The following MAST1 variants were observed in gnomAD, a reference collection of about 807,000 sequenced individuals.
MAST1 encodes the protein microtubule associated serine/threonine kinase 1.
MAST1 carries 40 observed loss-of-function variants against 124.6 expected under a neutral mutation model. The ratio of observed to expected loss-of-function variants is 0.32; its 90% CI spans 0.25 to 0.42. The LOEUF (loss-of-function observed/expected upper bound fraction) is 0.42. MAST1 is among the 10% of genes least tolerant of loss of function. The pLI is 1.00. For missense variants in MAST1, 1,558 were observed against 2,181.9 expected, an observed-to-expected ratio of 0.71 and a Z score of 5.70; for synonymous variants, 938 against 939.4, an observed-to-expected ratio of 1.00 and a Z score of 0.03.
At chr19:12,842,953 G>T (rs1226493290) in intron 3 of MAST1, among the ~76,000 whole-genome samples, 1 of 152,104 alleles carries the variant, frequency 6.6e-6, no homozygotes, top group Non-Finnish European at 1.5e-5. Context: ...ATACGTGTGG[G>T]TGTCTGTGTT....
chr19:12,869,024 T>C (rs1354372499), intron 21 of MAST1, 42 bp from the exon 22 acceptor site: 1 of 1,596,096 alleles, frequency 6.3e-7, no homozygotes, highest in Non-Finnish European at 8.6e-7. Flanking sequence ...GAGATGTCTA[T>C]CTTCTTGGTT....
intron 12 of MAST1, among the ~76,000 whole-genome samples, chr19:12,859,554 T>C (rs1462310985): frequency 6.6e-6 from 1 of 152,044 alleles, no homozygotes; most frequent in Non-Finnish European, 1.5e-5. Context: ...ACTCGGCTAA[T>C]TTTTGGGAGG....
intron 11 of MAST1, 29 bp from the exon 12 acceptor site, chr19:12,858,502 C>T (rs1599584682): frequency 1.2e-6 from 2 of 1,611,954 alleles, no homozygotes; most frequent in East Asian, 2.2e-5. Flanking sequence ...TCGGAGGTGA[C>T]GGCCGGTCCT....
intron 7 of MAST1, among the ~76,000 whole-genome samples, chr19:12,849,805 A>T (rs568555627): frequency 2.0e-5 from 3 of 151,344 alleles, no homozygotes; most frequent in Admixed American, 6.6e-5. Context: ...TATTTATTTT[A>T]TTTTTTTTGG....
intron 12 of MAST1, among the ~76,000 whole-genome samples, chr19:12,864,319 G>T (rs2145906494): frequency 6.6e-6 from 1 of 151,932 alleles, no homozygotes; most frequent in African/African-American, 2.4e-5. Context: ...TGCTTGAGCT[G>T]GGAGGTTGAG....
chr19:12,867,988 T>C lies in MAST1; in HGVS notation c.2566+11T>C. On this transcript the variant is annotated intron_variant, in intron 20 of 25. Coordinates refer to ENST00000251472, the MANE Select transcript of MAST1 (RefSeq NM_014975.3). ...GGGACTCCGAGGCCAGTGAGTGCCC[T>C]ATCGTGCTGCCTTCCCCAATCTTCC... 1 of 1,523,338 alleles carries C rather than the reference T, an allele frequency of 6.6e-7. No individual in the cohort carries two copies. Among genetic ancestry groups the C allele is most frequent in the South Asian group, 1.3e-5 (1 of 77,112 alleles). The allele number at this position is 1,523,338 out of a possible 1,614,324, so 94.4% of individuals were successfully genotyped here. A position where few individuals can be genotyped will look rare whatever the true frequency, so the allele number is the denominator to read the frequency against.
In MAST1 at chr19:12,867,613, C is replaced by A; in HGVS notation, c.2279C>A (p.Thr760Asn). The A allele has an allele frequency of 6.2e-7, 1 of 1,611,242 alleles. No individual in the cohort carries two copies. Among genetic ancestry groups the A allele is most frequent in the Non-Finnish European group, 8.5e-7 (1 of 1,178,762 alleles). ...AAGCGGGAGGGGCTGGGCGGCCTGA[C>A]CCTGCGTGAGAAGACCTGGAGAGGG... ...AGKREGLGGLTLREKTWRGGS... is the reference protein window; with the variant it reads ...AGKREGLGGLNLREKTWRGGS... Residue 760 changes from threonine to asparagine, a missense_variant, in exon 19 of 26, where the codon ACC (threonine) becomes AAC (asparagine). Coordinates refer to ENST00000251472, the MANE Select transcript of MAST1 (RefSeq NM_014975.3).
chr19:12,847,607 C>G lies in MAST1; in HGVS notation c.489-5C>G, dbSNP rs752572464. ...ACTCGACAAAATGGGCTTCTCTCCC[C>G]GCAGCCCCGGGCGCTCCCCCTCCTC... On this transcript the variant is annotated splice_region_variant and splice_polypyrimidine_tract_variant and intron_variant, in intron 5 of 25. Transcript: ENST00000251472. The surrounding 1 kb of genome is among the most constrained non-coding windows in gnomAD (Gnocchi z 5.5). The G allele has an allele frequency of 1.9e-6, 3 of 1,614,082 alleles. No homozygotes were observed. The South Asian group carries it at 3.3e-5, about 18-fold the overall frequency.
intron 22 of MAST1, 39 bp from the exon 23 acceptor site, chr19:12,870,785 T>C (rs117560837): frequency 0.013 from 19,729 of 1,540,416 alleles, 167 homozygotes; most frequent in East Asian, 0.026. Context: ...TTGTTACCAA[T>C]CCCACTAACC....
chr19:12,848,824 G>A (rs1002592572), intron 7 of MAST1: 2 of 152,172 alleles, frequency 1.3e-5, no homozygotes, highest in Admixed American at 1.3e-4. Context: ...TGGGCGTGGT[G>A]GTGGGCGCCT....
At chr19:12,851,676 G>A (rs1190162664) in intron 7 of MAST1, among the ~76,000 whole-genome samples, 1 of 152,074 alleles carries the variant, frequency 6.6e-6, no homozygotes, top group African/African-American at 2.4e-5. Context: ...AGTGGAGATG[G>A]GGTTTCACCA....
Position 12,852,470 on chromosome 19 carries a change from G to A in MAST1, c.1077+75G>A, listed in dbSNP as rs1222389300. On this transcript the variant is annotated intron_variant, in intron 10 of 25. Coordinates refer to ENST00000251472, the MANE Select transcript of MAST1 (RefSeq NM_014975.3). ...GGTGGGGCTCATCTCCGGCTTCTTTGCCCTCAGGCTTTGTGGATCTCTTGG... is the reference window on the plus strand; with the variant it reads ...GGTGGGGCTCATCTCCGGCTTCTTTACCCTCAGGCTTTGTGGATCTCTTGG... The A allele has an allele frequency of 1.1e-5, 15 of 1,412,646 alleles. 1 individual carries two copies. In the African/African-American group the frequency reaches 1.3e-4, roughly 12 times the overall value. 87.5% of individuals were successfully genotyped at this position (1,412,646 alleles called of 1,614,324 possible).
At position 12,852,329 on chromosome 19, in the gene MAST1, T is replaced by G; in HGVS notation, c.1011T>G (p.Asp337Glu). 1 of 1,613,630 alleles carries G rather than the reference T, an allele frequency of 6.2e-7. No homozygotes were observed. The highest frequency in any genetic ancestry group is 8.5e-7 in the Non-Finnish European group (1 of 1,179,898). Residue 337 changes from aspartate (D) to glutamate (E), a missense_variant and splice_region_variant, in exon 10 of 26, where the codon GAT (aspartate) becomes GAG (glutamate). Physicochemically the swap from Asp to Glu is conservative, Grantham distance 45. This residue lies in a region of MAST1 where 136 missense variants were observed against 160.9 expected (regional missense o/e 0.85). Transcript: ENST00000251472. ...QLGLTRDPFP[D>E]VVHLEEQDSG... ...TGCTCACTCTCAGTCCCTCCCTAGA[T>G]GTGGTGCATCTGGAGGAACAGGACA...
intron 4 of MAST1, among the ~76,000 whole-genome samples, chr19:12,845,939 G>A (rs997509576): frequency 1.3e-5 from 2 of 152,016 alleles, no homozygotes; most frequent in African/African-American, 4.8e-5. Flanking sequence ...GATTACAGGC[G>A]TGAGCCACCG....
Position 12,838,640 on chromosome 19 carries a change from T to G in MAST1, c.68T>G (p.Phe23Cys), listed in dbSNP as rs1377135023. ...SMPSFPGGSM[F>C]RRTKSCRTSN... ...CCCTCCTTCCCCGGCGGCAGTATGT[T>G]CCGCCGCACCAAGAGGTAGACCCCC... The change falls in exon 1 of 26, where the codon TTC becomes TGC. Residue 23 changes from phenylalanine (F) to cysteine (C), a missense_variant. This residue lies in a region of MAST1 where 42 missense variants were observed against 54.6 expected (regional missense o/e 0.77). Transcript: ENST00000251472. The surrounding 1 kb of genome is among the most constrained non-coding windows in gnomAD (Gnocchi z 4.3). The G allele has an allele frequency of 6.2e-7, 1 of 1,609,634 alleles. No homozygotes were observed. Among genetic ancestry groups the G allele is most frequent in the African/African-American group, 1.3e-5 (1 of 74,264 alleles).
intron 12 of MAST1, among the ~76,000 whole-genome samples, chr19:12,863,634 G>A (rs1970113303): frequency 6.6e-6 from 1 of 152,116 alleles, no homozygotes; most frequent in South Asian, 2.1e-4. Flanking sequence ...TACATTCTAT[G>A]AGCTTAGCAA....
intron 12 of MAST1, among the ~76,000 whole-genome samples, chr19:12,864,080 A>G (rs1970119422): frequency 6.6e-6 from 1 of 152,036 alleles, no homozygotes; most frequent in Non-Finnish European, 1.5e-5. Flanking sequence ...GTCTGCCAAC[A>G]AGCCAGGCTA....
Position 12,873,920 on chromosome 19 carries a change from C to A in MAST1, c.3763C>A (p.Pro1255Thr), listed in dbSNP as rs1192641991. The A allele has an allele frequency of 1.9e-6, 3 of 1,585,184 alleles. No homozygotes were observed. The highest frequency in any genetic ancestry group is 3.5e-5 in the Admixed American group (2 of 56,874). The change falls in exon 26 of 26, where the codon CCC (proline) becomes ACC (threonine). Residue 1255 changes from proline to threonine, a missense_variant. Transcript: ENST00000251472. Reference protein sequence around the residue: ...VVRPRPKSAEPPRSPLLKRVQ... With the variant: ...VVRPRPKSAETPRSPLLKRVQ... ...GCGCCCGCGCCCCAAGAGTGCCGAG[C>A]CCCCTCGCTCGCCGCTCCTCAAGCG...
At chr19:12,858,793 G>C in intron 12 of MAST1, 54 bp downstream of exon 12, 1 of 1,590,978 alleles carries the variant, frequency 6.3e-7, no homozygotes, top group Non-Finnish European at 8.6e-7. Context: ...ACTGGTCAGG[G>C]CTGCGGGGTG....
Sources: allele counts gnomAD v4.1 joint callset (sites outside exome capture counted in the v4.1 genomes callset), GRCh38; gene constraint gnomAD v4.1.1; regional missense constraint gnomAD v4.1.1; non-coding constraint Gnocchi (gnomAD v3.1); transcripts MANE v1.5; gene names NCBI Gene and HGNC (gene_info 2026-07-23, HGNC 2026-07-21).